Variants in ENTREP2 observed in about 807,000 individuals in gnomAD.
ENTREP2 encodes protein ENTREP2.
chr15:29,222,300 G>C, the ENTREP2 span, among the ~76,000 whole-genome samples: 2 of 152,170 alleles, frequency 1.3e-5, no homozygotes, highest in South Asian at 4.2e-4. Flanking sequence ...TACCCTATAT[G>C]GTCAAAAAGA....
chr15:29,279,613 T>C, the ENTREP2 span, among the ~76,000 whole-genome samples: 2 of 152,104 alleles, frequency 1.3e-5, no homozygotes, highest in Admixed American at 6.5e-5. Flanking sequence ...TCCGCCCACC[T>C]TGGCCTCCCA....
At chr15:29,190,495 A>G in the ENTREP2 span, among the ~76,000 whole-genome samples, 1 of 152,138 alleles carries the variant, frequency 6.6e-6, no homozygotes, top group Non-Finnish European at 1.5e-5. Context: ...GCTCTTCTGG[A>G]TTCCAAATTT....
the ENTREP2 span, among the ~76,000 whole-genome samples, chr15:29,500,264 C>T: frequency 1.3e-5 from 2 of 152,076 alleles, no homozygotes; most frequent in Admixed American, 6.6e-5. Flanking sequence ...ATCTATAGAA[C>T]ACTCAACCCA....
the ENTREP2 span, among the ~76,000 whole-genome samples, chr15:29,202,983 T>G: frequency 6.6e-6 from 1 of 152,218 alleles, no homozygotes; most frequent in Non-Finnish European, 1.5e-5. Flanking sequence ...TGATTTATAA[T>G]CCTTTGGGTA....
At chr15:29,586,674 G>A in the ENTREP2 span, among the ~76,000 whole-genome samples, 5 of 151,814 alleles carry the variant, frequency 3.3e-5, no homozygotes, top group Non-Finnish European at 5.9e-5. Flanking sequence ...ACTTGAACCC[G>A]GGACGGGGAG....
chr15:29,211,212 A>G, the ENTREP2 span, among the ~76,000 whole-genome samples: 1 of 152,310 alleles, frequency 6.6e-6, no homozygotes, highest in East Asian at 1.9e-4. Flanking sequence ...TTTGTCCTAT[A>G]GTAAAATGAT....
chr15:29,399,010 G>C, the ENTREP2 span, among the ~76,000 whole-genome samples: 1 of 152,222 alleles, frequency 6.6e-6, no homozygotes, highest in Admixed American at 6.5e-5. Flanking sequence ...CCTTGGTGAA[G>C]TCCCAATTTG....
the ENTREP2 span, among the ~76,000 whole-genome samples, chr15:29,233,269 T>C: frequency 8.4e-4 from 128 of 152,274 alleles, 1 homozygote; most frequent in African/African-American, 3.0e-3. Context: ...ACCAGATAAG[T>C]GAGACATAAA....
At chr15:29,424,179 G>A in the ENTREP2 span, among the ~76,000 whole-genome samples, 1 of 152,186 alleles carries the variant, frequency 6.6e-6, no homozygotes, top group Non-Finnish European at 1.5e-5. Context: ...AACCCAAAGA[G>A]TGAGCAACAG....
chr15:29,272,249 T>C, the ENTREP2 span, among the ~76,000 whole-genome samples: 3 of 152,188 alleles, frequency 2.0e-5, no homozygotes, highest in Admixed American at 6.5e-5. Flanking sequence ...CCACCTTGGA[T>C]TGATACTGGA....
chr15:29,412,498 A>G, the ENTREP2 span, among the ~76,000 whole-genome samples: 1 of 152,138 alleles, frequency 6.6e-6, no homozygotes, highest in African/African-American at 2.4e-5. Context: ...GAATACTTTC[A>G]ATGTTTCCTC....
At chr15:29,272,393 T>A in the ENTREP2 span, among the ~76,000 whole-genome samples, 1 of 152,182 alleles carries the variant, frequency 6.6e-6, no homozygotes, top group African/African-American at 2.4e-5. Flanking sequence ...TTTCTGTGGT[T>A]TCAGTTACCT....
chr15:29,588,542 GAA>G, the ENTREP2 span, among the ~76,000 whole-genome samples: 65,583 of 107,076 alleles, frequency 0.61, 18,660 homozygotes, highest in Non-Finnish European at 0.68. Context: ...GGAAGAGAAA[GAA>G]AGAGAGAGAG....
the ENTREP2 span, among the ~76,000 whole-genome samples, chr15:29,474,557 G>GC: frequency 6.8e-6 from 1 of 147,106 alleles, no homozygotes; most frequent in Non-Finnish European, 1.5e-5. Flanking sequence ...TTCTGTTGTT[G>GC]TTTTTTTTTC....
chr15:29,130,522 C>T, the ENTREP2 span, among the ~76,000 whole-genome samples: 18 of 152,052 alleles, frequency 1.2e-4, no homozygotes, highest in African/African-American at 4.3e-4. Context: ...CTTAGAACTC[C>T]GCTGTCTAAA....
chr15:29,596,261 C>T, the ENTREP2 span, among the ~76,000 whole-genome samples: 1 of 152,206 alleles, frequency 6.6e-6, no homozygotes, highest in Non-Finnish European at 1.5e-5. Flanking sequence ...GTGTAACCAT[C>T]TGCATCTATA....
the ENTREP2 span, chr15:29,137,089 G>T: frequency 6.8e-7 from 1 of 1,463,136 alleles, no homozygotes; most frequent in Non-Finnish European, 9.0e-7. Flanking sequence ...TAGGGTGGAG[G>T]CGGGAGTGGG....
the ENTREP2 span, among the ~76,000 whole-genome samples, chr15:29,284,017 A>T: frequency 6.6e-6 from 1 of 152,192 alleles, no homozygotes; most frequent in Non-Finnish European, 1.5e-5. Context: ...CGAGTTAAGG[A>T]TCAAGATATG....
chr15:29,127,543 C>A, the ENTREP2 span, among the ~76,000 whole-genome samples: 1 of 152,198 alleles, frequency 6.6e-6, no homozygotes, highest in Non-Finnish European at 1.5e-5. Flanking sequence ...CCTACAGCTG[C>A]AGAAATGGGC....
Sources: gnomAD v4.1 joint callset for allele counts (sites outside exome capture counted in the v4.1 genomes callset) on GRCh38, gnomAD v4.1.1 for gene constraint, MANE v1.5 for transcripts, NCBI Gene and HGNC (gene_info 2026-07-23, HGNC 2026-07-21) for gene names.